The following SP140L variants were observed in gnomAD, a reference collection of about 807,000 sequenced individuals.
The protein encoded by SP140L is nuclear body protein SP140-like protein.
SP140L carries 64 observed loss-of-function variants against 84.3 expected under a neutral mutation model. The observed-to-expected ratio is 0.76, with a 90% CI of 0.62 to 0.94. The LOEUF (loss-of-function observed/expected upper bound fraction) is 0.94, where lower values mean the gene tolerates loss of function less well. Among genes scored for constraint, SP140L ranks in the 40% least tolerant of loss-of-function variants. The pLI, the probability that SP140L is intolerant of heterozygous loss-of-function variation, is 0.00. For synonymous variants in SP140L, 242 were observed against 236.9 expected (o/e 1.02, Z -0.20); for missense variants, 628 against 692.5 (o/e 0.91, Z 1.05).
chr2:230,340,343 G>C (rs572510547), intron 2 of SP140L, among the ~76,000 whole-genome samples: 1 of 147,330 alleles, frequency 6.8e-6, no homozygotes, highest in African/African-American at 2.5e-5. Flanking sequence ...CCATTGGCTT[G>C]GTAGATCTTC....
At chr2:230,400,794 C>A in intron 15 of SP140L, 161 bp from the exon 16 acceptor site, 1 of 1,519,334 alleles carries the variant, frequency 6.6e-7, no homozygotes, top group Non-Finnish European at 8.9e-7. Flanking sequence ...AGGCCAGTGG[C>A]TGGAGACCCC....
chr2:230,370,289 A>G (rs2061021764), intron 5 of SP140L, among the ~76,000 whole-genome samples: 1 of 152,122 alleles, frequency 6.6e-6, no homozygotes, highest in African/African-American at 2.4e-5. Flanking sequence ...GGCTCAGAAT[A>G]TTAGTGTCCA....
chr2:230,368,578 T>C (rs2060958750), intron 5 of SP140L, among the ~76,000 whole-genome samples: 2 of 152,198 alleles, frequency 1.3e-5, no homozygotes, highest in Admixed American at 6.5e-5. Flanking sequence ...TCTATGAATT[T>C]CTGCAACTCA....
intron 9 of SP140L, among the ~76,000 whole-genome samples, chr2:230,386,244 A>G (rs2061576242): frequency 6.6e-6 from 1 of 152,138 alleles, no homozygotes; most frequent in Admixed American, 6.5e-5. Flanking sequence ...GAACTTGGGT[A>G]ATCAACTCAA....
At chr2:230,393,607 A>G (rs72996292) in intron 13 of SP140L, 146 bp downstream of exon 13, 261,356 of 952,194 alleles carry the variant, frequency 0.27, 38,568 homozygotes, top group Non-Finnish European at 0.29. Flanking sequence ...TTTAATATAC[A>G]CTTTCAGAGT....
intron 7 of SP140L, among the ~76,000 whole-genome samples, chr2:230,376,926 GTAA>G (rs2061258218): frequency 2.6e-5 from 4 of 152,228 alleles, no homozygotes; most frequent in African/African-American, 7.2e-5. Context: ...GTATGTTCAA[GTAA>G]TCTTTGATAA....
At chr2:230,336,708 C>A (rs143769873) in intron 2 of SP140L, among the ~76,000 whole-genome samples, 2 of 152,128 alleles carry the variant, frequency 1.3e-5, no homozygotes, top group Non-Finnish European at 2.9e-5. Flanking sequence ...AACAGAGATG[C>A]CTTAACATTT....
chr2:230,351,937 A>G (rs890442924), intron 2 of SP140L, among the ~76,000 whole-genome samples: 1 of 152,146 alleles, frequency 6.6e-6, no homozygotes, highest in African/African-American at 2.4e-5. Context: ...ATTATCCACC[A>G]CACTTGGGCT....
intron 7 of SP140L, among the ~76,000 whole-genome samples, chr2:230,377,944 G>A (rs1420300875): frequency 6.6e-6 from 1 of 152,050 alleles, no homozygotes; most frequent in Non-Finnish European, 1.5e-5. Flanking sequence ...TTTGGTGTTA[G>A]CGCTTATTGA....
intron 5 of SP140L, among the ~76,000 whole-genome samples, chr2:230,369,411 A>G (rs1200764309): frequency 2.0e-5 from 3 of 152,220 alleles, no homozygotes; most frequent in Non-Finnish European, 2.9e-5. Context: ...TGCATCTGTA[A>G]GGGCTGGCCT....
At chr2:230,328,026 C>T (rs746690208) in intron 1 of SP140L, among the ~76,000 whole-genome samples, 26 of 152,128 alleles carry the variant, frequency 1.7e-4, no homozygotes, top group South Asian at 6.2e-4. Context: ...TCTCTAGTAA[C>T]GAGTTTATAA....
intron 2 of SP140L, among the ~76,000 whole-genome samples, chr2:230,354,925 G>A (rs1378949297): frequency 7.0e-6 from 1 of 142,074 alleles, no homozygotes; most frequent in African/African-American, 2.6e-5. Flanking sequence ...GAAAAAGAAA[G>A]AAAAAAGAAA....
chr2:230,359,072 A>G lies in SP140L; in HGVS notation c.379A>G (p.Ser127Gly), dbSNP rs2060635746. The G allele has an allele frequency of 6.2e-7, 1 of 1,613,370 alleles. No homozygotes were observed. The highest frequency in any genetic ancestry group is 8.5e-7 in the Non-Finnish European group (1 of 1,179,866). ...FNLSVLEALFSEVNMQEYPDL... is the reference protein window; with the variant it reads ...FNLSVLEALFGEVNMQEYPDL... ...CCTGTCAGTTTTGGAAGCACTGTTC[A>G]GCGAGGTCAACATGCAGGAATACCC... Residue 127 changes from serine (S) to glycine (G), a missense_variant, in exon 4 of 19, where the codon AGC becomes GGC. Coordinates refer to ENST00000415673, the MANE Select transcript of SP140L (RefSeq NM_138402.6).
At chr2:230,372,279 A>G (rs1379583736) in intron 7 of SP140L, 1 of 152,806 alleles carries the variant, frequency 6.5e-6, no homozygotes, top group Non-Finnish European at 1.5e-5. Context: ...GGGTGTGGCT[A>G]TCACATATTC....
intron 5 of SP140L, among the ~76,000 whole-genome samples, chr2:230,365,660 C>A (rs1418515479): frequency 2.0e-5 from 3 of 151,682 alleles, no homozygotes; most frequent in African/African-American, 7.3e-5. Context: ...TTATTTCCTT[C>A]TTTCTACTAA....
chr2:230,359,282 C>T, intron 4 of SP140L, 150 bp downstream of exon 4: 3 of 677,724 alleles, frequency 4.4e-6, no homozygotes. Flanking sequence ...CTTCTTGAAG[C>T]CCATGGTATA....
At chr2:230,368,355 C>G (rs753749105) in intron 5 of SP140L, among the ~76,000 whole-genome samples, 4 of 152,100 alleles carry the variant, frequency 2.6e-5, no homozygotes, top group Non-Finnish European at 5.9e-5. Flanking sequence ...TTTATTGAAA[C>G]TCCCGTATAT....
chr2:230,381,664 A>T (rs982438846), intron 7 of SP140L, among the ~76,000 whole-genome samples: 1 of 151,980 alleles, frequency 6.6e-6, no homozygotes, highest in African/African-American at 2.4e-5. Flanking sequence ...AAAAACAAGC[A>T]AAACAACCAA....
In SP140L at chr2:230,370,971, A is replaced by G. The variant is rs1465584762; in HGVS notation, c.583+4A>G. 1.2e-6 allele frequency: 2 copies of G among 1,613,498 alleles called. No individual in the cohort carries two copies. Among genetic ancestry groups the G allele is most frequent in the Non-Finnish European group, 1.7e-6 (2 of 1,179,628 alleles). On this transcript the variant is annotated splice_donor_region_variant and intron_variant, in intron 6 of 18. Transcript: ENST00000415673. ...GACCAAGCATGTGGCAAAATGGGTA[A>G]GGCTGCCTGAGGGCTGTGGGATGGG...
Sources: allele counts gnomAD v4.1 joint callset (sites outside exome capture counted in the v4.1 genomes callset), GRCh38; gene constraint gnomAD v4.1.1; transcripts MANE v1.5; gene names NCBI Gene and HGNC (gene_info 2026-07-23, HGNC 2026-07-21).